The following COLEC12 variants were observed in gnomAD, a reference collection of about 807,000 sequenced individuals.
The protein encoded by COLEC12 is collectin subfamily member 12.
In COLEC12, 33 loss-of-function variants were observed where a neutral mutation model predicts 71.1. That is an observed-to-expected ratio of 0.46 (90% CI 0.35 to 0.62). The LOEUF is 0.62. Ranked by LOEUF, COLEC12 falls within the 20% of genes least tolerant of loss-of-function variation. The pLI is 0.00. For synonymous variants in COLEC12, 350 were observed against 353.0 expected (o/e 0.99, Z 0.10); for missense variants, 765 against 916.1 (o/e 0.84, Z 2.13).
At chr18:490,932 G>T (rs1917608582) in intron 1 of COLEC12, among the ~76,000 whole-genome samples, 3 of 152,204 alleles carry the variant, frequency 2.0e-5, no homozygotes, top group Admixed American at 1.3e-4. Context: ...AGTACCCATT[G>T]GTTGCTCTAT....
intron 1 of COLEC12, among the ~76,000 whole-genome samples, chr18:495,684 C>T (rs1214768520): frequency 4.6e-5 from 7 of 152,194 alleles, no homozygotes; most frequent in South Asian, 2.1e-4. Flanking sequence ...GCCTTGTCTA[C>T]GTTGCTCACT....
intron 1 of COLEC12, among the ~76,000 whole-genome samples, chr18:486,311 A>G (rs1022690389): frequency 1.8e-4 from 27 of 152,100 alleles, no homozygotes; most frequent in African/African-American, 5.6e-4. Context: ...TCAGCCTCAG[A>G]GTAGCTGGGA....
intron 1 of COLEC12, among the ~76,000 whole-genome samples, chr18:485,873 T>C (rs1031445693): frequency 6.6e-6 from 1 of 152,238 alleles, no homozygotes; most frequent in African/African-American, 2.4e-5. Context: ...CTATCTGCCT[T>C]ATATCCAGTT....
chr18:470,339 C>A (rs1917170806), intron 2 of COLEC12, among the ~76,000 whole-genome samples: 2 of 142,370 alleles, frequency 1.4e-5, no homozygotes, highest in South Asian at 4.5e-4. Flanking sequence ...TCAAGCAATT[C>A]TCCTGCCTCA....
At chr18:415,429 T>C (rs903429379) in intron 2 of COLEC12, among the ~76,000 whole-genome samples, 1 of 152,048 alleles carries the variant, frequency 6.6e-6, no homozygotes, top group African/African-American at 2.4e-5. Flanking sequence ...ATCCCAGATA[T>C]AAATTCCAGT....
At chr18:369,296 A>T (rs1449041906) in intron 2 of COLEC12, among the ~76,000 whole-genome samples, 2 of 152,166 alleles carry the variant, frequency 1.3e-5, no homozygotes, top group East Asian at 3.8e-4. Context: ...GTCCATATAG[A>T]CTAATTACTT....
intron 2 of COLEC12, among the ~76,000 whole-genome samples, chr18:453,631 T>C (rs184887121): frequency 1.3e-5 from 2 of 152,360 alleles, no homozygotes; most frequent in Admixed American, 1.3e-4. Flanking sequence ...TACTCTCTTC[T>C]TCTGTGGTCT....
chr18:320,898 TTA>T (rs1169411700), intron 9 of COLEC12, among the ~76,000 whole-genome samples: 42 of 152,328 alleles, frequency 2.8e-4, no homozygotes, highest in African/African-American at 9.9e-4. Flanking sequence ...CTGCTTTGGC[TTA>T]TGAGCTGATA....
Position 334,819 on chromosome 18 carries a change from G to C in COLEC12, c.1739C>G (p.Pro580Arg), listed in dbSNP as rs764866916. 6.6e-7 allele frequency: 1 copy of C among 1,520,620 alleles called. No individual in the cohort carries two copies. Among genetic ancestry groups the C allele is most frequent in the African/African-American group, 1.4e-5 (1 of 69,254 alleles). 94.2% of individuals were successfully genotyped at this position (1,520,620 alleles called of 1,614,324 possible). ...CGCTCCTGATGGGCCAGGAGGGCCG[G>C]GGGGGCCCTTGGGGCCTGGCATGCC... is the stretch of plus-strand genomic sequence containing the variant. Reference protein sequence around the residue: ...VPGMPGPKGPPGPPGPSGAVV... With the variant: ...VPGMPGPKGPRGPPGPSGAVV... The change falls in exon 6 of 10, where the codon CCC (proline) becomes CGC (arginine). Residue 580 changes from proline (P) to arginine (R), a missense_variant. By Grantham distance (103) the Pro-to-Arg change is moderately radical (BLOSUM62 -2). Coordinates refer to ENST00000400256, the MANE Select transcript of COLEC12 (RefSeq NM_130386.3).
intron 2 of COLEC12, among the ~76,000 whole-genome samples, chr18:397,728 GA>G (rs111406430): frequency 8.5e-5 from 13 of 152,184 alleles, no homozygotes; most frequent in African/African-American, 3.1e-4. Context: ...GTTAAAGCTA[GA>G]TAATACCTCA....
At position 318,346 on chromosome 18, in the gene COLEC12, G is replaced by A. The variant is rs1393936200; in HGVS notation, c.*1699C>T. Reference sequence around the variant, plus strand: ...ACTGCCTGGGAAGACCCTTGGGAGGGAGAAGGAATCTGTTGGATGGAAATC... The same window carrying A: ...ACTGCCTGGGAAGACCCTTGGGAGGAAGAAGGAATCTGTTGGATGGAAATC... On this transcript the variant is annotated 3_prime_UTR_variant, in exon 10 of 10. Coordinates refer to ENST00000400256, the MANE Select transcript of COLEC12 (RefSeq NM_130386.3). 1 of 152,150 alleles carries A rather than the reference G, an allele frequency of 6.6e-6. No homozygotes were observed. The highest frequency in any genetic ancestry group is 1.5e-5 in the Non-Finnish European group (1 of 68,074). 9.4% of individuals were successfully genotyped at this position (152,150 alleles called of 1,614,324 possible).
chr18:337,259 G>A (rs1345721702), intron 5 of COLEC12, among the ~76,000 whole-genome samples: 1 of 152,150 alleles, frequency 6.6e-6, no homozygotes, highest in Non-Finnish European at 1.5e-5. Flanking sequence ...TCTACCCTAA[G>A]TTCCTTTATC....
chr18:321,568 A>G, intron 9 of COLEC12, 94 bp downstream of exon 9: 1 of 1,349,064 alleles, frequency 7.4e-7, no homozygotes, highest in Non-Finnish European at 1.0e-6. Flanking sequence ...ACCTAATTGC[A>G]GTGCCTGCAT....
chr18:389,784 T>C (rs1915423571), intron 2 of COLEC12, among the ~76,000 whole-genome samples: 1 of 152,120 alleles, frequency 6.6e-6, no homozygotes, highest in Non-Finnish European at 1.5e-5. Context: ...GCTTACTCGG[T>C]ACCACCCACA....
At chr18:403,928 T>G (rs1915736407) in intron 2 of COLEC12, among the ~76,000 whole-genome samples, 1 of 152,220 alleles carries the variant, frequency 6.6e-6, no homozygotes, top group Non-Finnish European at 1.5e-5. Context: ...GCTCTGGAAT[T>G]GGAAGAACTC....
chr18:473,367 T>C (rs1442070161), intron 2 of COLEC12, among the ~76,000 whole-genome samples: 1 of 67,664 alleles, frequency 1.5e-5, no homozygotes, highest in Non-Finnish European at 3.8e-5. Context: ...CAAATCTCTT[T>C]TTTTTATTTT....
chr18:401,147 ATG>A (rs111763715), intron 2 of COLEC12, among the ~76,000 whole-genome samples: 1,791 of 152,302 alleles, frequency 0.012, 39 homozygotes, highest in African/African-American at 0.041. Flanking sequence ...TTCCATGTGA[ATG>A]TGTTCTGATC....
At position 334,755 on chromosome 18, in the gene COLEC12, T is replaced by C. The variant is rs752240726; in HGVS notation, c.1803A>G (p.Ala601=). The change falls in exon 6 of 10, where the codon GCA becomes GCG. Residue 601 remains alanine (A), a synonymous_variant. Coordinates refer to ENST00000400256, the MANE Select transcript of COLEC12 (RefSeq NM_130386.3). ...GCTTGGACTTACCATTGTCCTCCGG[T>C]GCTGGGGTTGGCTCATTCTGCAGGG... The part of the protein sequence containing the change: ...PLALQNEPTP[A]PEDNGCPPHW... 3.1e-5 allele frequency: 45 copies of C among 1,470,904 alleles called. No individual in the cohort carries two copies. The highest frequency in any genetic ancestry group is 4.0e-5 in the Non-Finnish European group (45 of 1,116,244). The allele number at this position is 1,470,904 out of a possible 1,614,324, so 91.1% of individuals were successfully genotyped here.
At chr18:468,326 T>C (rs1405253929) in intron 2 of COLEC12, among the ~76,000 whole-genome samples, 2 of 151,732 alleles carry the variant, frequency 1.3e-5, no homozygotes, top group African/African-American at 2.4e-5. Flanking sequence ...TCACATTACA[T>C]AGATGCAAAC....
Sources: allele counts gnomAD v4.1 joint callset (sites outside exome capture counted in the v4.1 genomes callset), GRCh38; gene constraint gnomAD v4.1.1; transcripts MANE v1.5; gene names NCBI Gene and HGNC (gene_info 2026-07-23, HGNC 2026-07-21).